NFE2L3: variants seen among roughly 807,000 people sequenced by gnomAD.
The protein encoded by NFE2L3 is NFE2 like bZIP transcription factor 3, also known as nuclear factor erythroid 2-related factor 3.
NFE2L3 carries 18 observed loss-of-function variants against 23.5 expected under a neutral mutation model. The ratio of observed to expected loss-of-function variants is 0.77; its 90% CI spans 0.53 to 1.13. The LOEUF is 1.13. Among genes scored for constraint, NFE2L3 ranks in the 50% most tolerant of loss-of-function variants. The pLI, the probability that NFE2L3 is intolerant of heterozygous loss-of-function variation, is 0.00. For missense variants in NFE2L3, 1,152 were observed against 877.2 expected (o/e 1.31, Z -3.96); for synonymous variants, 424 against 354.5 (o/e 1.20, Z -2.20).
intron 1 of NFE2L3, among the ~76,000 whole-genome samples, chr7:26,175,339 GAC>G (rs1470642351): frequency 1.3e-5 from 2 of 152,080 alleles, no homozygotes; most frequent in African/African-American, 4.8e-5. Context: ...CACCCTGGGC[GAC>G]AGAGTGAGAC....
intron 1 of NFE2L3, among the ~76,000 whole-genome samples, chr7:26,165,514 C>T (rs1784234047): frequency 6.6e-6 from 1 of 152,220 alleles, no homozygotes; most frequent in Admixed American, 6.5e-5. Flanking sequence ...CGAGGCTTTG[C>T]TCAAGTTGCT....
At chr7:26,173,055 T>A (rs1784349895) in intron 1 of NFE2L3, among the ~76,000 whole-genome samples, 1 of 152,190 alleles carries the variant, frequency 6.6e-6, no homozygotes, top group Non-Finnish European at 1.5e-5. Context: ...TTGTTTATAT[T>A]TGAGTGCACT....
rs527949886 is a variant in NFE2L3 at position 26,176,005 on chromosome 7, T to C, written c.571-1938T>C. Among the ~76,000 whole-genome samples, 77 of 151,872 alleles carry C rather than the reference T, an allele frequency of 5.1e-4. No homozygotes were observed. The East Asian group carries it at 0.014, about 28-fold the overall frequency. On this transcript the variant is annotated intron_variant, in intron 1 of 3. Transcript: ENST00000056233. ...TGGTTTTCCTAGGCAGAGGTCCCTG[T>C]GGCCTTCCGCAGTGTTTGTGTCCCT...
chr7:26,165,305 T>G (rs1784230867), intron 1 of NFE2L3, among the ~76,000 whole-genome samples: 1 of 152,268 alleles, frequency 6.6e-6, no homozygotes, highest in Admixed American at 6.5e-5. Context: ...TCCATTTGTT[T>G]GTGTCCTCTT....
At chr7:26,174,710 A>G (rs1365717508) in intron 1 of NFE2L3, 1 of 152,114 alleles carries the variant, frequency 6.6e-6, no homozygotes, top group Non-Finnish European at 1.5e-5. Flanking sequence ...GTAAATTGCC[A>G]TTTCTTCAAC....
chr7:26,179,257 T>G (rs1784465415), intron 2 of NFE2L3, among the ~76,000 whole-genome samples: 1 of 152,042 alleles, frequency 6.6e-6, no homozygotes, highest in Non-Finnish European at 1.5e-5. Flanking sequence ...TCCCAGCACT[T>G]TGGGAAGCCA....
intron 1 of NFE2L3, among the ~76,000 whole-genome samples, chr7:26,153,358 G>C (rs949019183): frequency 2.0e-5 from 3 of 152,202 alleles, no homozygotes; most frequent in Non-Finnish European, 4.4e-5. Flanking sequence ...GGGATGGGGA[G>C]GGGAGAAGCA....
chr7:26,180,187 C>T (rs1387445907), intron 2 of NFE2L3, among the ~76,000 whole-genome samples: 1 of 152,120 alleles, frequency 6.6e-6, no homozygotes, highest in Non-Finnish European at 1.5e-5. Context: ...CCCCAAACTG[C>T]GGAAAACACA....
intron 1 of NFE2L3, chr7:26,173,480 A>T (rs1784355592): frequency 6.6e-6 from 1 of 152,190 alleles, no homozygotes; most frequent in African/African-American, 2.4e-5. Context: ...TGATTTCGAG[A>T]TTAGAAGTTT....
chr7:26,185,867 T>C lies in NFE2L3; in HGVS notation c.*84T>C. ...TGGATCAGAAACCATTGAAACTGCT[T>C]CAAGAATTGTATCTTTAAGTACTGC... On this transcript the variant is annotated 3_prime_UTR_variant, in exon 4 of 4. Transcript: ENST00000056233. 8.9e-7 allele frequency: 1 copy of C among 1,128,318 alleles called. No individual in the cohort carries two copies. Among genetic ancestry groups the C allele is most frequent in the Non-Finnish European group, 1.2e-6 (1 of 806,692 alleles). 69.9% of individuals were successfully genotyped at this position (1,128,318 alleles called of 1,614,324 possible). A position where few individuals can be genotyped will look rare whatever the true frequency, so the allele number is the denominator to read the frequency against.
At position 26,177,985 on chromosome 7, in the gene NFE2L3, A is replaced by C; in HGVS notation, c.613A>C (p.Ser205Arg). The change falls in exon 2 of 4, where the codon AGT becomes CGT. Residue 205 changes from serine (S) to arginine (R), a missense_variant. By Grantham distance (110) the Ser-to-Arg change is moderately radical. Coordinates refer to ENST00000056233, the MANE Select transcript of NFE2L3 (RefSeq NM_004289.7). ...LREKHEAVDH[S>R]SQHEENEERV... The stretch of plus-strand genomic sequence containing the variant: ...AGAAAAGCACGAAGCTGTGGATCAT[A>C]GTTCCCAGCATGAGGAAAATGAAGA... 1.2e-6 allele frequency: 2 copies of C among 1,614,118 alleles called. No individual in the cohort carries two copies. The highest frequency in any genetic ancestry group is 2.2e-5 in the South Asian group (2 of 91,066).
At chr7:26,177,217 A>T (rs536626254) in intron 1 of NFE2L3, among the ~76,000 whole-genome samples, 2 of 152,350 alleles carry the variant, frequency 1.3e-5, no homozygotes, top group East Asian at 3.9e-4. Flanking sequence ...CAGAAGCTGT[A>T]ATTTTAGCAC....
chr7:26,181,179 G>A (rs1380328216), intron 2 of NFE2L3, among the ~76,000 whole-genome samples: 1 of 152,092 alleles, frequency 6.6e-6, no homozygotes, highest in Admixed American at 6.5e-5. Context: ...GTTTCACCAT[G>A]TTGCTCAGGC....
At chr7:26,183,219 TTTTA>T (rs1197473562) in intron 2 of NFE2L3, among the ~76,000 whole-genome samples, 1 of 151,758 alleles carries the variant, frequency 6.6e-6, no homozygotes, top group Non-Finnish European at 1.5e-5. Flanking sequence ...AGCTTTGGAC[TTTTA>T]AGTATGCATG....
intron 1 of NFE2L3, among the ~76,000 whole-genome samples, chr7:26,169,055 A>G (rs1784296886): frequency 6.6e-6 from 1 of 152,208 alleles, no homozygotes; most frequent in Non-Finnish European, 1.5e-5. Flanking sequence ...ACTGCACATT[A>G]TATTACACTT....
intron 1 of NFE2L3, among the ~76,000 whole-genome samples, chr7:26,167,527 T>G (rs549331206): frequency 5.1e-4 from 76 of 150,244 alleles, no homozygotes; most frequent in African/African-American, 1.7e-3. Context: ...TGTGAAAATG[T>G]ACTTTTTTTT....
At chr7:26,180,782 T>C (rs1230178069) in intron 2 of NFE2L3, among the ~76,000 whole-genome samples, 1 of 151,948 alleles carries the variant, frequency 6.6e-6, no homozygotes, top group East Asian at 1.9e-4. Flanking sequence ...GGAGCTTCCT[T>C]GGAGAGAATT....
chr7:26,163,590 G>T (rs113193207), intron 1 of NFE2L3, among the ~76,000 whole-genome samples: 451 of 151,978 alleles, frequency 3.0e-3, no homozygotes, highest in African/African-American at 0.01. Flanking sequence ...CAGGTGATCC[G>T]CCCACCTCAG....
intron 2 of NFE2L3, among the ~76,000 whole-genome samples, chr7:26,183,253 A>C (rs1168973864): frequency 1.3e-5 from 2 of 152,184 alleles, no homozygotes; most frequent in Non-Finnish European, 2.9e-5. Flanking sequence ...TGAGTACCAT[A>C]ATCAGAGAAA....
Sources: allele counts gnomAD v4.1 joint callset (sites outside exome capture counted in the v4.1 genomes callset), GRCh38; gene constraint gnomAD v4.1.1; transcripts MANE v1.5; gene names NCBI Gene and HGNC (gene_info 2026-07-23, HGNC 2026-07-21).